Variants in MED13L observed in about 807,000 individuals in gnomAD.
MED13L encodes the protein mediator of RNA polymerase II transcription subunit 13-like.
A neutral mutation model predicts 220.9 loss-of-function variants in MED13L; 7 were observed. The observed-to-expected ratio is 0.03, with a 90% CI of 0.02 to 0.06. MED13L has a LOEUF of 0.06. MED13L is among the 10% of genes least tolerant of loss of function. MED13L has a pLI of 1.00. For synonymous variants in MED13L, 1,011 were observed against 1,015.2 expected, an observed-to-expected ratio of 1.00 and a Z score of 0.08; for missense variants, 1,965 against 2,760.5, an observed-to-expected ratio of 0.71 and a Z score of 6.46.
chr12:116,063,661 C>T (rs1387010048), intron 4 of MED13L, among the ~76,000 whole-genome samples: 1 of 152,178 alleles, frequency 6.6e-6, no homozygotes, highest in Non-Finnish European at 1.5e-5. Flanking sequence ...CCTTAAGACT[C>T]ATCAGGCAAA....
chr12:116,122,030 AG>A (rs1446089886), intron 2 of MED13L, among the ~76,000 whole-genome samples: 1 of 152,152 alleles, frequency 6.6e-6, no homozygotes, highest in Non-Finnish European at 1.5e-5. Flanking sequence ...TCTGAATCCA[AG>A]GTTTATCATT....
chr12:116,244,004 T>A (rs532922795), intron 1 of MED13L, among the ~76,000 whole-genome samples: 1 of 152,190 alleles, frequency 6.6e-6, no homozygotes, highest in Admixed American at 6.5e-5. Flanking sequence ...TGCCAGAAGA[T>A]AGTCAACATT....
intron 1 of MED13L, among the ~76,000 whole-genome samples, chr12:116,249,165 G>C (rs940260342): frequency 6.6e-6 from 1 of 152,206 alleles, no homozygotes; most frequent in African/African-American, 2.4e-5. Flanking sequence ...CTAAAGCTGG[G>C]AGGCAGTCAA....
At chr12:116,157,944 T>G (rs555030435) in intron 2 of MED13L, among the ~76,000 whole-genome samples, 14 of 152,288 alleles carry the variant, frequency 9.2e-5, no homozygotes, top group African/African-American at 3.4e-4. Flanking sequence ...ACATATAAGA[T>G]GGAGGTGAGA....
At chr12:116,202,992 T>C (rs1233188114) in intron 2 of MED13L, among the ~76,000 whole-genome samples, 1 of 152,224 alleles carries the variant, frequency 6.6e-6, no homozygotes, top group Non-Finnish European at 1.5e-5. Flanking sequence ...GAATGGGCTT[T>C]GCTAAAACTT....
chr12:116,002,112 ATGTT>A (rs1443504202), intron 14 of MED13L, among the ~76,000 whole-genome samples: 1 of 152,230 alleles, frequency 6.6e-6, no homozygotes, highest in Non-Finnish European at 1.5e-5. Flanking sequence ...AACAAGAAAA[ATGTT>A]TAACTAAAAA....
Position 115,991,372 on chromosome 12 carries a change from A to C in MED13L, c.3582T>G (p.Gly1194=). The stretch of plus-strand genomic sequence containing the variant: ...TCATTAAGCGCCTCTCTGCAGCCTG[A>C]CCAATATCAGAATTCTTCCCAAAAA... ...LDIFGKNSDI[G]QAAERRLMMC... is the part of the protein sequence containing the mutation. The change falls in exon 17 of 31, where the codon GGT becomes GGG. Residue 1194 remains glycine (G), a synonymous_variant. Transcript: ENST00000281928. This position sits in a 1 kb window ranked among gnomAD's most constrained non-coding sequence, Gnocchi z 7.7. 6.2e-7 allele frequency: 1 copy of C among 1,613,988 alleles called. No homozygotes were observed. Among genetic ancestry groups the C allele is most frequent in the South Asian group, 1.1e-5 (1 of 91,072 alleles).
chr12:116,088,368 T>C (rs1215476606), intron 4 of MED13L, among the ~76,000 whole-genome samples: 4 of 152,152 alleles, frequency 2.6e-5, no homozygotes, highest in South Asian at 2.1e-4. Context: ...TCCTACACTA[T>C]GTGCATGGTG....
At chr12:116,103,896 A>AATGTT (rs1466126158) in intron 3 of MED13L, among the ~76,000 whole-genome samples, 2 of 151,842 alleles carry the variant, frequency 1.3e-5, no homozygotes, top group Admixed American at 1.3e-4. Flanking sequence ...AACGACTGTC[A>AATGTT]ATGTTACATC....
chr12:116,136,434 A>G (rs1366826880), intron 2 of MED13L, among the ~76,000 whole-genome samples: 1 of 152,184 alleles, frequency 6.6e-6, no homozygotes, highest in Admixed American at 6.5e-5. Context: ...ACCAAAAAAT[A>G]AGTGTGTATG....
chr12:116,043,111 C>T (rs550799731), intron 4 of MED13L, among the ~76,000 whole-genome samples: 6 of 152,256 alleles, frequency 3.9e-5, no homozygotes, highest in South Asian at 4.1e-4. Context: ...ATTCAGCTAT[C>T]CTGGAAGAAG....
At chr12:116,049,715 C>T (rs1487101118) in intron 4 of MED13L, among the ~76,000 whole-genome samples, 1 of 152,112 alleles carries the variant, frequency 6.6e-6, no homozygotes, top group African/African-American at 2.4e-5. Flanking sequence ...CCAAAATATT[C>T]AAACAATTTA....
intron 2 of MED13L, among the ~76,000 whole-genome samples, chr12:116,199,979 T>C (rs1316899279): frequency 6.7e-6 from 1 of 150,284 alleles, no homozygotes; most frequent in Non-Finnish European, 1.5e-5. Flanking sequence ...AGAGCCAAAA[T>C]ACATTGTCAT....
intron 2 of MED13L, among the ~76,000 whole-genome samples, chr12:116,205,993 A>T (rs1267559503): frequency 6.9e-6 from 1 of 144,290 alleles, no homozygotes; most frequent in East Asian, 2.1e-4. Context: ...AGTGGCAATG[A>T]TTAATTGGAC....
chr12:116,068,276 G>A (rs1362179505), intron 4 of MED13L, among the ~76,000 whole-genome samples: 2 of 152,144 alleles, frequency 1.3e-5, no homozygotes, highest in African/African-American at 4.8e-5. Flanking sequence ...GAACAACACA[G>A]GCCAGAAGAA....
intron 22 of MED13L, 110 bp from the exon 23 acceptor site, chr12:115,981,048 T>C (rs2137265593): frequency 1.8e-5 from 15 of 830,256 alleles, no homozygotes; most frequent in Non-Finnish European, 2.7e-5. Context: ...CTTACCACAA[T>C]GGGGAGAGGT....
intron 3 of MED13L, among the ~76,000 whole-genome samples, chr12:116,107,360 G>T (rs1873675076): frequency 6.6e-6 from 1 of 152,116 alleles, no homozygotes; most frequent in Admixed American, 6.5e-5. Flanking sequence ...AGTTACAAAA[G>T]TAAGTGAAAG....
rs1873969262 is a variant in MED13L, at chr12:116,277,397, A to C, written c.-266T>G. ...ACCGCCTCCGCCTTCCCTGCTCCTCAGCCGCCGCCGCCGCCGCTGCTGCCG... is the reference window on the plus strand; with the variant it reads ...ACCGCCTCCGCCTTCCCTGCTCCTCCGCCGCCGCCGCCGCCGCTGCTGCCG... On this transcript the variant is annotated 5_prime_UTR_variant, in exon 1 of 31. Transcript: ENST00000281928. 2 of 12,826 alleles carry C rather than the reference A, an allele frequency of 1.6e-4. No individual in the cohort carries two copies. The highest frequency in any genetic ancestry group is 2.2e-3 in the East Asian group (1 of 446). The allele number at this position is 12,826 out of a possible 1,614,324, so 0.8% of individuals were successfully genotyped here.
At chr12:116,267,889 T>C (rs923030881) in intron 1 of MED13L, among the ~76,000 whole-genome samples, 34 of 152,340 alleles carry the variant, frequency 2.2e-4, no homozygotes, top group African/African-American at 7.9e-4. Context: ...TCAGTTGGAA[T>C]TGTCTTTAAT....
Sources: gnomAD v4.1 joint callset for allele counts (sites outside exome capture counted in the v4.1 genomes callset) on GRCh38, gnomAD v4.1.1 for gene constraint, Gnocchi (gnomAD v3.1) non-coding constraint, MANE v1.5 for transcripts, NCBI Gene and HGNC (gene_info 2026-07-23, HGNC 2026-07-21) for gene names.